URGCP: variants seen among roughly 807,000 people sequenced by gnomAD.
URGCP encodes up-regulator of cell proliferation.
In URGCP, 13 loss-of-function variants were observed where a neutral mutation model predicts 24.6. That is an observed-to-expected ratio of 0.53 (90% CI 0.34 to 0.84). URGCP has a LOEUF of 0.84. Ranked by LOEUF, URGCP falls within the 40% of genes least tolerant of loss-of-function variation. The pLI, the probability that URGCP is intolerant of heterozygous loss-of-function variation, is 0.01. For missense variants in URGCP, 899 were observed against 1,194.3 expected (o/e 0.75, Z 3.64); for synonymous variants, 444 against 487.2 (o/e 0.91, Z 1.17).
At chr7:43,902,641 A>C (rs78773785) in intron 1 of URGCP, among the ~76,000 whole-genome samples, 273 of 152,356 alleles carry the variant, frequency 1.8e-3, no homozygotes, top group Middle Eastern at 3.4e-3. Flanking sequence ...AAGACCGGGT[A>C]AGCGAAGATG....
At chr7:43,896,433 C>T (rs1325246331) in intron 1 of URGCP, among the ~76,000 whole-genome samples, 2 of 136,396 alleles carry the variant, frequency 1.5e-5, no homozygotes, top group African/African-American at 2.8e-5. Flanking sequence ...CCAGCCTGGG[C>T]GACAGAGAGA....
chr7:43,892,741 A>G (rs1322313054), intron 1 of URGCP, among the ~76,000 whole-genome samples: 1 of 152,228 alleles, frequency 6.6e-6, no homozygotes, highest in Non-Finnish European at 1.5e-5. Context: ...ACAAGTCAAC[A>G]CACGAGAAGA....
chr7:43,891,666 TC>T (rs1304004264), intron 1 of URGCP, among the ~76,000 whole-genome samples: 9 of 152,178 alleles, frequency 5.9e-5, no homozygotes, highest in Non-Finnish European at 1.0e-4. Flanking sequence ...CACAGTCAGC[TC>T]CCTTCTTTCT....
At position 43,877,542 on chromosome 7, in the gene URGCP, T is replaced by G. The variant is rs369588836; in HGVS notation, c.1921A>C (p.Arg641=). 1.9e-4 allele frequency: 303 copies of G among 1,613,144 alleles called. No homozygotes were observed. The highest frequency in any genetic ancestry group is 2.5e-4 in the Non-Finnish European group (296 of 1,180,030). ...AAGCCTGGGAAGTGGGCAAAACGCC[T>G]CTGGCCTGCCGGCAGCCTCCCTGCC... is the stretch of plus-strand genomic sequence containing the variant. The part of the protein sequence containing the change: ...VEAGRLPAGQ[R]RFAHFPGLAS... Residue 641 remains arginine (R), a synonymous_variant, in exon 6 of 6, where the codon AGG becomes CGG. Coordinates refer to ENST00000453200, the MANE Select transcript of URGCP (RefSeq NM_001077663.3).
rs200115057 is a variant in URGCP at position 43,877,139 on chromosome 7, G to A, written c.2324C>T (p.Ala775Val). ...ATTGCTCAGTCCCATGAGCAGAGTG[G>A]CCAAGGAAGCCTCCAGCTCAAATCT... ...GDRFELEASL[A>V]TLLMGLSNVT... is the part of the protein sequence containing the mutation. The change falls in exon 6 of 6, where the codon GCC becomes GTC. Residue 775 changes from alanine to valine, a missense_variant. Coordinates refer to ENST00000453200, the MANE Select transcript of URGCP (RefSeq NM_001077663.3). 237 of 1,614,198 alleles carry A rather than the reference G, an allele frequency of 1.5e-4. No homozygotes were observed. The African/African-American group carries it at 2.8e-3, about 19-fold the overall frequency.
intron 1 of URGCP, among the ~76,000 whole-genome samples, chr7:43,918,159 A>C (rs1038753224): frequency 3.3e-5 from 5 of 151,554 alleles, no homozygotes; most frequent in Non-Finnish European, 5.9e-5. Context: ...CTGTAATCCC[A>C]GCTACTCAGG....
rs201193467 is a variant in URGCP at position 43,877,369 on chromosome 7, G to A, written c.2094C>T (p.Val698=). The A allele has an allele frequency of 7.4e-6, 12 of 1,612,570 alleles. No individual in the cohort carries two copies. The highest frequency in any genetic ancestry group is 1.3e-5 in the African/African-American group (1 of 74,982). ...TGGACTTGCCCGTGCCTGGCACCCC[G>A]ACGGTTGACAGAACCACCAGCCTTG... ...RRSRLVVLST[V]GVPGTGKSTL... The change falls in exon 6 of 6, where the codon GTC becomes GTT. Residue 698 remains valine (V), a synonymous_variant. Coordinates refer to ENST00000453200, the MANE Select transcript of URGCP (RefSeq NM_001077663.3).
At chr7:43,880,263 T>C (rs1214639711) in intron 5 of URGCP, among the ~76,000 whole-genome samples, 1 of 152,186 alleles carries the variant, frequency 6.6e-6, no homozygotes, top group African/African-American at 2.4e-5. Context: ...AAATATTCAG[T>C]GCAGACTGTT....
intron 1 of URGCP, among the ~76,000 whole-genome samples, chr7:43,915,604 A>C (rs2095914642): frequency 6.6e-6 from 1 of 152,230 alleles, no homozygotes; most frequent in Admixed American, 6.5e-5. Flanking sequence ...TCATGGCCCA[A>C]GGGCCCCATG....
chr7:43,902,063 C>A (rs376039229), intron 1 of URGCP, among the ~76,000 whole-genome samples: 1 of 145,592 alleles, frequency 6.9e-6, no homozygotes, highest in African/African-American at 2.6e-5. Flanking sequence ...GAGGAGCAGG[C>A]GAGAGGAAAG....
chr7:43,883,995 G>T (rs1019566159), intron 3 of URGCP, among the ~76,000 whole-genome samples: 5 of 152,194 alleles, frequency 3.3e-5, no homozygotes, highest in African/African-American at 1.2e-4. Flanking sequence ...AATGGTTAGA[G>T]AAAAGAATGG....
intron 1 of URGCP, chr7:43,906,066 G>A (rs1259795187): frequency 1.3e-5 from 2 of 152,220 alleles, no homozygotes; most frequent in Non-Finnish European, 2.9e-5. Flanking sequence ...CCCGGATCCT[G>A]ACATTCTGGG....
At position 43,879,132 on chromosome 7, in the gene URGCP, G is replaced by T. The variant is rs753628967; in HGVS notation, c.331C>A (p.Pro111Thr). 1 of 1,614,174 alleles carries T rather than the reference G, an allele frequency of 6.2e-7. No homozygotes were observed. The highest frequency in any genetic ancestry group is 8.5e-7 in the Non-Finnish European group (1 of 1,180,042). ...DSMKNWAPQV[P>T]KDLPWNFLRK... is the part of the protein sequence containing the mutation. ...AGGAAATTCCAGGGCAAGTCTTTGG[G>T]AACCTGAGGGGCCCAGTTCTTCATA... Residue 111 changes from proline to threonine, a missense_variant, in exon 6 of 6, where the codon CCC (proline) becomes ACC (threonine). By Grantham distance (38) the Pro-to-Thr change is conservative. Coordinates refer to ENST00000453200, the MANE Select transcript of URGCP (RefSeq NM_001077663.3).
At chr7:43,926,365 T>C (rs1270570694) in exon 1 of URGCP, 1 of 383,988 alleles carries the variant, frequency 2.6e-6, no homozygotes, top group East Asian at 7.9e-5. Context: ...CTGCTTCCCC[T>C]CGGCCGCGCC....
intron 1 of URGCP, among the ~76,000 whole-genome samples, chr7:43,923,193 A>G (rs2095924526): frequency 6.6e-6 from 1 of 151,018 alleles, no homozygotes; most frequent in Admixed American, 6.6e-5. Flanking sequence ...CATATTGGCC[A>G]GGTTGGTCTC....
At chr7:43,923,392 T>C (rs1488178965) in intron 1 of URGCP, among the ~76,000 whole-genome samples, 1 of 149,432 alleles carries the variant, frequency 6.7e-6, no homozygotes, top group Non-Finnish European at 1.5e-5. Flanking sequence ...AATCAAGCAA[T>C]AATCATACCT....
At position 43,876,482 on chromosome 7, in the gene URGCP, T is replaced by C; in HGVS notation, c.*185A>G. The C allele has an allele frequency of 1.6e-6, 1 of 641,386 alleles. No individual in the cohort carries two copies. 39.7% of individuals were successfully genotyped at this position (641,386 alleles called of 1,614,324 possible). A position where few individuals can be genotyped will look rare whatever the true frequency, so the allele number is the denominator to read the frequency against. On this transcript the variant is annotated 3_prime_UTR_variant, in exon 6 of 6. Coordinates refer to ENST00000453200, the MANE Select transcript of URGCP (RefSeq NM_001077663.3). ...ATTCTTGGTAACATCTCTGAGCTGG[T>C]CTGTGAGGTCACTTCCTCTTTTAAC...
At chr7:43,882,832 T>C (rs1363714386) in intron 3 of URGCP, among the ~76,000 whole-genome samples, 2 of 152,208 alleles carry the variant, frequency 1.3e-5, no homozygotes, top group Admixed American at 1.3e-4. Context: ...TGAATAACCA[T>C]AAAACTTACA....
intron 1 of URGCP, among the ~76,000 whole-genome samples, chr7:43,905,434 T>G (rs568198097): frequency 6.6e-6 from 1 of 152,244 alleles, no homozygotes; most frequent in African/African-American, 2.4e-5. Flanking sequence ...GTCCCGGAAA[T>G]GACCACTGCC....
Sources: gnomAD v4.1 joint callset for allele counts (sites outside exome capture counted in the v4.1 genomes callset) on GRCh38, gnomAD v4.1.1 for gene constraint, MANE v1.5 for transcripts, NCBI Gene and HGNC (gene_info 2026-07-23, HGNC 2026-07-21) for gene names.